Variants in USP53 observed in about 807,000 individuals in gnomAD.
The protein encoded by USP53 is ubiquitin carboxyl-terminal hydrolase 53.
In USP53, 71 loss-of-function variants were observed where a neutral mutation model predicts 94.9. That is an observed-to-expected ratio of 0.75 (90% CI 0.62 to 0.91). The LOEUF (loss-of-function observed/expected upper bound fraction) is 0.91. USP53 is among the 40% of genes least tolerant of loss of function. The pLI, the probability that USP53 is intolerant of heterozygous loss-of-function variation, is 0.00. For synonymous variants in USP53, 375 were observed against 422.7 expected, an observed-to-expected ratio of 0.89 and a Z score of 1.39; for missense variants, 1,173 against 1,281.0, an observed-to-expected ratio of 0.92 and a Z score of 1.29.
chr4:119,276,005 C>A (rs1480559114), intron 17 of USP53, among the ~76,000 whole-genome samples: 1 of 144,314 alleles, frequency 6.9e-6, no homozygotes, highest in Non-Finnish European at 1.5e-5. Context: ...TGGGCTGAGA[C>A]AATGGGGTTT....
intron 3 of USP53, among the ~76,000 whole-genome samples, chr4:119,229,034 T>C (rs534634868): frequency 6.6e-6 from 1 of 152,338 alleles, no homozygotes; most frequent in African/African-American, 2.4e-5. Flanking sequence ...TTCCCTCTAC[T>C]CTGCCTTCCT....
rs143775959 is a variant in USP53, at chr4:119,259,587, AT to A, written c.570-232del. Among the ~76,000 whole-genome samples the A allele has an allele frequency of 3.8e-3, 585 of 152,244 alleles. 7 individuals are homozygous for A. The highest frequency in any genetic ancestry group is 0.013 in the African/African-American group (547 of 41,558). The stretch of plus-strand genomic sequence containing the variant: ...GCCTCATTTATCTAGTTCCAAACAT[AT>A]AATTTTGTGTTACTTTGTTTTCTTT... On this transcript the variant is annotated intron_variant, in intron 9 of 18. Coordinates refer to ENST00000692078, the MANE Select transcript of USP53 (RefSeq NM_001371395.1).
At chr4:119,260,909 AG>A (rs1750412281) in intron 11 of USP53, among the ~76,000 whole-genome samples, 1 of 150,388 alleles carries the variant, frequency 6.6e-6, no homozygotes, top group Non-Finnish European at 1.5e-5. Flanking sequence ...TAACTTAGAA[AG>A]GTTTAATATT....
At chr4:119,266,227 T>C (rs1751106911) in intron 12 of USP53, 1 of 454,820 alleles carries the variant, frequency 2.2e-6, no homozygotes, top group African/African-American at 2.0e-5. Context: ...GTTTTATGGC[T>C]GTACAACAAT....
intron 12 of USP53, among the ~76,000 whole-genome samples, chr4:119,267,067 G>A (rs1751219543): frequency 6.6e-6 from 1 of 151,968 alleles, no homozygotes; most frequent in Admixed American, 6.6e-5. Flanking sequence ...CCACATATTT[G>A]GAAAGCTTTT....
chr4:119,268,217 CT>C, intron 13 of USP53, 50 bp from the exon 14 acceptor site: 3 of 1,150,740 alleles, frequency 2.6e-6, no homozygotes, highest in African/African-American at 1.6e-5. Flanking sequence ...ATTCAAACAT[CT>C]CTTCTCATGG....
At chr4:119,267,530 C>T in intron 13 of USP53, 48 bp downstream of exon 13, 2 of 1,558,410 alleles carry the variant, frequency 1.3e-6, no homozygotes, top group East Asian at 4.5e-5. Context: ...TTATCACAGT[C>T]AACTAGGAAT....
At chr4:119,260,032 TA>T in intron 10 of USP53, 107 bp downstream of exon 10, 1 of 714,674 alleles carries the variant, frequency 1.4e-6, no homozygotes. Context: ...GAATTAGCTT[TA>T]AGAATTTTTA....
intron 17 of USP53, among the ~76,000 whole-genome samples, chr4:119,285,420 G>A (rs1363529279): frequency 6.6e-6 from 1 of 151,842 alleles, no homozygotes; most frequent in East Asian, 1.9e-4. Context: ...TGCTTCCAGA[G>A]TCTGCAATAC....
At chr4:119,287,968 T>C (rs1205823186) in intron 17 of USP53, among the ~76,000 whole-genome samples, 3 of 152,226 alleles carry the variant, frequency 2.0e-5, no homozygotes, top group African/African-American at 7.2e-5. Flanking sequence ...AAAAGGGGAA[T>C]TGTTTCACAG....
intron 17 of USP53, among the ~76,000 whole-genome samples, chr4:119,280,905 T>C (rs550902769): frequency 6.6e-6 from 1 of 152,342 alleles, no homozygotes; most frequent in South Asian, 2.1e-4. Flanking sequence ...GCACTTCCAC[T>C]TCTGTATCAT....
At chr4:119,271,220 T>C (rs1419723324) in intron 15 of USP53, 76 bp from the exon 16 acceptor site, 1 of 1,496,002 alleles carries the variant, frequency 6.7e-7, no homozygotes, top group African/African-American at 1.4e-5. Flanking sequence ...ATTTTATCTC[T>C]AACAGGTATT....
Position 119,293,015 on chromosome 4 carries a change from CAA to C in USP53, c.3028_3029del (p.Asn1010LeufsTer5). ...AGCTCCTCAACTAACGATTTTCAGG[CAA>C]ACTCAGGTGCCATTGATGCATTTTG... On this transcript the variant is annotated frameshift_variant, in exon 19 of 19. Coordinates refer to ENST00000692078, the MANE Select transcript of USP53 (RefSeq NM_001371395.1). LOFTEE classifies it high-confidence loss of function. 6.2e-7 allele frequency: 1 copy of C among 1,614,120 alleles called. No homozygotes were observed. The highest frequency in any genetic ancestry group is 8.5e-7 in the Non-Finnish European group (1 of 1,179,960).
chr4:119,268,342 G>A lies in USP53; in HGVS notation c.1210G>A (p.Glu404Lys), dbSNP rs1331830063. Reference protein sequence around the residue: ...NGFGDQAKQRENQKFPTDNIS... With the variant: ...NGFGDQAKQRKNQKFPTDNIS... ...ATTTGGTGATCAGGCAAAGCAGAGA[G>A]AAAATCAGAAATTTCCAACTGATAA... Residue 404 changes from glutamate to lysine, a missense_variant, in exon 14 of 19, where the codon GAA becomes AAA. By Grantham distance (56) the Glu-to-Lys change is moderately conservative. Transcript: ENST00000692078. 1 of 1,613,824 alleles carries A rather than the reference G, an allele frequency of 6.2e-7. No individual in the cohort carries two copies. The highest frequency in any genetic ancestry group is 2.2e-5 in the East Asian group (1 of 44,876).
Position 119,273,703 on chromosome 4 carries a change from T to A in USP53, c.2246T>A (p.Leu749Ter), listed in dbSNP as rs1023712978. ...ACCTCCCTTCAGAGCCAACATCACT[T>A]AGAAGGTAAAAAACTTATTTGAATA... Reference protein sequence around the residue: ...DCTSLQSQHHLEGFRKELRNL... With the variant: ...DCTSLQSQHH The change falls in exon 17 of 19, where the codon TTA becomes TAA. Residue 749 changes from leucine to a stop codon, truncating the protein, a stop_gained. Transcript: ENST00000692078. LOFTEE classifies it high-confidence loss of function. 18 of 1,610,458 alleles carry A rather than the reference T, an allele frequency of 1.1e-5. No individual in the cohort carries two copies. Among genetic ancestry groups the A allele is most frequent in the Non-Finnish European group, 1.5e-5 (18 of 1,178,004 alleles).
chr4:119,263,853 C>G (rs187192762), intron 12 of USP53, among the ~76,000 whole-genome samples: 1 of 152,036 alleles, frequency 6.6e-6, no homozygotes, highest in African/African-American at 2.4e-5. Flanking sequence ...GGGCAGATCA[C>G]GAGGTCAAGA....
intron 17 of USP53, among the ~76,000 whole-genome samples, chr4:119,282,430 C>A (rs1339689708): frequency 6.6e-6 from 1 of 152,090 alleles, no homozygotes; most frequent in African/African-American, 2.4e-5. Flanking sequence ...TACATTCCCA[C>A]CAGCAGTGCA....
intron 17 of USP53, among the ~76,000 whole-genome samples, chr4:119,287,046 A>T (rs1035637250): frequency 6.6e-6 from 1 of 152,068 alleles, no homozygotes; most frequent in Admixed American, 6.5e-5. Flanking sequence ...GTCTCAATTC[A>T]TACTTAACTT....
chr4:119,256,276 A>T lies in USP53; in HGVS notation c.403A>T (p.Ile135Leu). 1.2e-6 allele frequency: 2 copies of T among 1,613,204 alleles called. No homozygotes were observed. The highest frequency in any genetic ancestry group is 1.7e-6 in the Non-Finnish European group (2 of 1,179,762). The change falls in exon 8 of 19, where the codon ATA becomes TTA. Residue 135 changes from isoleucine to leucine, a missense_variant. By Grantham distance (5) the Ile-to-Leu change is conservative (BLOSUM62 2). Transcript: ENST00000692078. ...TATGTTGGAGAGGATTCATTTTCACATAGTGCCAAGCAGAGATGCAGACAT... is the reference window on the plus strand; with the variant it reads ...TATGTTGGAGAGGATTCATTTTCACTTAGTGCCAAGCAGAGATGCAGACAT... ...ENMLERIHFH[I>L]VPSRDADMCT...
Sources: gnomAD v4.1 joint callset for allele counts (sites outside exome capture counted in the v4.1 genomes callset) on GRCh38, gnomAD v4.1.1 for gene constraint, MANE v1.5 for transcripts, NCBI Gene and HGNC (gene_info 2026-07-23, HGNC 2026-07-21) for gene names.